NLGN4X: variants seen among roughly 807,000 people sequenced by gnomAD.
The protein encoded by NLGN4X is neuroligin 4 X-linked.
NLGN4X carries 3 observed loss-of-function variants against 40.3 expected under a neutral mutation model. That is an observed-to-expected ratio of 0.07 (90% confidence interval 0.03 to 0.19). The LOEUF is 0.19. NLGN4X is among the 10% of genes least tolerant of loss of function. NLGN4X has a pLI of 1.00. For missense variants in NLGN4X, 382 were observed against 708.3 expected, an observed-to-expected ratio of 0.54 and a Z score of 5.23; for synonymous variants, 270 against 306.8, an observed-to-expected ratio of 0.88 and a Z score of 1.25.
intron 3 of NLGN4X, among the ~76,000 whole-genome samples, chrX:5,976,494 C>T (rs143446831): frequency 0.068 from 7,595 of 111,977 alleles, 635 homozygotes; most frequent in African/African-American, 0.23. Context: ...CCCTCTCTCC[C>T]GCTGTGAAAT....
At chrX:5,954,634 GTCTCTCTCTCTCTC>G (rs200878268) in intron 3 of NLGN4X, among the ~76,000 whole-genome samples, 41 of 94,906 alleles carry the variant, frequency 4.3e-4, no homozygotes, top group African/African-American at 9.7e-4. Context: ...CTCTGTCTCT[GTCTCTCTCTCTCTC>G]TCTCTCTCTC....
intron 3 of NLGN4X, among the ~76,000 whole-genome samples, chrX:5,938,231 G>A (rs1041253028): frequency 3.6e-5 from 4 of 111,475 alleles, no homozygotes; most frequent in Non-Finnish European, 5.6e-5. Context: ...GTTAGGATTT[G>A]GGTTCAAGTT....
intron 2 of NLGN4X, among the ~76,000 whole-genome samples, chrX:6,106,875 G>A (rs1439755778): frequency 8.9e-6 from 1 of 111,861 alleles, no homozygotes; most frequent in Non-Finnish European, 1.9e-5. Context: ...AACTTTCCAG[G>A]GAATCCCTAC....
chrX:5,956,554 A>T (rs1425116364), intron 3 of NLGN4X, among the ~76,000 whole-genome samples: 1 of 111,562 alleles, frequency 9.0e-6, no homozygotes, highest in South Asian at 3.7e-4. Context: ...TATCTCTCTC[A>T]TTGTGTTTCC....
chrX:6,115,350 CT>C (rs1417377214), intron 2 of NLGN4X, among the ~76,000 whole-genome samples: 1 of 111,758 alleles, frequency 8.9e-6, no homozygotes, highest in African/African-American at 3.3e-5. Flanking sequence ...CTCATGCATC[CT>C]TTTTAGAAGG....
At chrX:5,940,353 C>G (rs2033882960) in intron 3 of NLGN4X, among the ~76,000 whole-genome samples, 1 of 111,510 alleles carries the variant, frequency 9.0e-6, no homozygotes, top group Non-Finnish European at 1.9e-5. Context: ...ATTCATTAAA[C>G]TGCAATTTAA....
intron 1 of NLGN4X, among the ~76,000 whole-genome samples, chrX:6,224,683 A>C (rs1925996454): frequency 9.1e-6 from 1 of 110,028 alleles, no homozygotes; most frequent in Non-Finnish European, 1.9e-5. Context: ...TTGGGTAAAA[A>C]TCAGCTAGGT....
intron 1 of NLGN4X, among the ~76,000 whole-genome samples, chrX:6,174,472 G>A (rs1356535399): frequency 2.7e-5 from 3 of 111,730 alleles, no homozygotes; most frequent in Non-Finnish European, 5.6e-5. Flanking sequence ...CAAAAAAGAC[G>A]CATGCATTTG....
chrX:5,971,465 A>C (rs1277830584), intron 3 of NLGN4X, among the ~76,000 whole-genome samples: 1 of 111,612 alleles, frequency 9.0e-6, no homozygotes, highest in Non-Finnish European at 1.9e-5. Flanking sequence ...TTCAGTCATC[A>C]GTGTGAATCA....
At position 6,079,371 on chromosome X, in the gene NLGN4X, A is replaced by T. The variant is rs150657905; in HGVS notation, c.473-49939T>A. ...ATAAACAGTGTAATCTCATGACCCT[A>T]CTGTGAAAATTAAAGTAGATAAGTC... On this transcript the variant is annotated intron_variant, in intron 2 of 5. Transcript: ENST00000381095. Among the ~76,000 whole-genome samples the T allele has an allele frequency of 2.7e-5, 3 of 112,428 alleles. 1 individual carries two copies. The highest frequency in any genetic ancestry group is 9.7e-5 in the African/African-American group (3 of 30,933).
At chrX:6,139,528 T>G (rs1428197078) in intron 2 of NLGN4X, among the ~76,000 whole-genome samples, 3 of 112,256 alleles carry the variant, frequency 2.7e-5, no homozygotes, top group Non-Finnish European at 3.8e-5. Context: ...AACTTCCATT[T>G]TAGGAAACAT....
At chrX:5,954,668 C>G (rs2034435577) in intron 3 of NLGN4X, among the ~76,000 whole-genome samples, 1 of 108,441 alleles carries the variant, frequency 9.2e-6, no homozygotes. Context: ...CTCTCTCTGT[C>G]TCTCTTGCTC....
intron 2 of NLGN4X, among the ~76,000 whole-genome samples, chrX:6,147,282 A>C (rs1282381196): frequency 8.9e-6 from 1 of 111,787 alleles, no homozygotes; most frequent in East Asian, 2.8e-4. Context: ...CCATTTCCCA[A>C]GGCAATCTGG....
At chrX:6,103,987 T>A (rs1323785783) in intron 2 of NLGN4X, among the ~76,000 whole-genome samples, 1 of 111,900 alleles carries the variant, frequency 8.9e-6, no homozygotes, top group Non-Finnish European at 1.9e-5. Flanking sequence ...CACTTGTGCG[T>A]GAGGCATGTG....
At chrX:5,964,647 T>C (rs919919730) in intron 3 of NLGN4X, among the ~76,000 whole-genome samples, 10 of 110,808 alleles carry the variant, frequency 9.0e-5, no homozygotes, top group Non-Finnish European at 1.5e-4. Context: ...GCTGTGACTA[T>C]AGGCACATGC....
chrX:6,131,471 A>C (rs1262130512), intron 2 of NLGN4X, among the ~76,000 whole-genome samples: 1 of 111,815 alleles, frequency 8.9e-6, no homozygotes, highest in Non-Finnish European at 1.9e-5. Flanking sequence ...GGGGCCAATC[A>C]CCCCTCTGCA....
chrX:6,163,321 A>G (rs1390030289), intron 1 of NLGN4X, among the ~76,000 whole-genome samples: 1 of 112,394 alleles, frequency 8.9e-6, no homozygotes, highest in African/African-American at 3.2e-5. Context: ...ACAATTATTC[A>G]CTGAGGTACC....
intron 3 of NLGN4X, among the ~76,000 whole-genome samples, chrX:6,009,159 G>C (rs1021973097): frequency 4.5e-5 from 5 of 111,767 alleles, no homozygotes; most frequent in African/African-American, 1.6e-4. Context: ...TAGTTCAAAA[G>C]TTCAGTTTTT....
At chrX:6,215,378 T>C (rs1335329150) in intron 1 of NLGN4X, among the ~76,000 whole-genome samples, 1 of 110,387 alleles carries the variant, frequency 9.1e-6, no homozygotes, top group Non-Finnish European at 1.9e-5. Flanking sequence ...GGAGAAACCC[T>C]GTCTCTACTA....
Sources: allele counts gnomAD v4.1 joint callset (sites outside exome capture counted in the v4.1 genomes callset), GRCh38; gene constraint gnomAD v4.1.1; transcripts MANE v1.5; gene names NCBI Gene and HGNC (gene_info 2026-07-23, HGNC 2026-07-21).